Variants in ADAMTS12 observed in about 807,000 individuals in gnomAD.
ADAMTS12 encodes ADAM metallopeptidase with thrombospondin type 1 motif 12, also known as A disintegrin and metalloproteinase with thrombospondin motifs 12.
A neutral mutation model predicts 167.8 loss-of-function variants in ADAMTS12; 118 were observed. The observed-to-expected ratio is 0.70, with a 90% CI of 0.61 to 0.82. The LOEUF (loss-of-function observed/expected upper bound fraction) is 0.82, where lower values mean the gene tolerates loss of function less well. Ranked by LOEUF, ADAMTS12 falls within the 40% of genes least tolerant of loss-of-function variation. The pLI, the probability that ADAMTS12 is intolerant of heterozygous loss-of-function variation, is 0.00. For missense variants in ADAMTS12, 1,916 were observed against 1,998.8 expected, an observed-to-expected ratio of 0.96 and a Z score of 0.79; for synonymous variants, 704 against 716.9, an observed-to-expected ratio of 0.98 and a Z score of 0.29.
chr5:33,591,104 G>GTGTGTGTGTGTGTGTC (rs149905578), intron 17 of ADAMTS12, among the ~76,000 whole-genome samples: 1 of 148,758 alleles, frequency 6.7e-6, no homozygotes, highest in African/African-American at 2.5e-5. Context: ...GTGTGTGTGT[G>GTGTGTGTGTGTGTGTC]TATGTGTGTG....
chr5:33,638,259 A>C (rs762835675), intron 11 of ADAMTS12, among the ~76,000 whole-genome samples: 46 of 152,174 alleles, frequency 3.0e-4, no homozygotes, highest in Non-Finnish European at 5.9e-4. Flanking sequence ...TCTACTTTTA[A>C]AATTGAACCC....
chr5:33,680,858 T>C (rs1742087462), intron 5 of ADAMTS12, among the ~76,000 whole-genome samples: 1 of 152,172 alleles, frequency 6.6e-6, no homozygotes, highest in Non-Finnish European at 1.5e-5. Flanking sequence ...TAGGTACCAA[T>C]TTTTATTGGT....
At chr5:33,794,102 T>C (rs947896264) in intron 2 of ADAMTS12, among the ~76,000 whole-genome samples, 2 of 152,178 alleles carry the variant, frequency 1.3e-5, no homozygotes, top group African/African-American at 2.4e-5. Flanking sequence ...GCCTTCCTGT[T>C]GCTTCCTCTA....
intron 20 of ADAMTS12, among the ~76,000 whole-genome samples, chr5:33,559,294 G>T (rs1004944898): frequency 1.3e-5 from 2 of 152,158 alleles, no homozygotes; most frequent in Non-Finnish European, 2.9e-5. Flanking sequence ...TCCTAGGGTT[G>T]ATCATGTATG....
intron 17 of ADAMTS12, among the ~76,000 whole-genome samples, chr5:33,594,042 T>TG (rs1420141387): frequency 6.6e-6 from 1 of 152,216 alleles, no homozygotes; most frequent in Non-Finnish European, 1.5e-5. Flanking sequence ...GCCATTGATA[T>TG]GGCTTGGCTG....
At chr5:33,586,021 G>C (rs1747329584) in intron 18 of ADAMTS12, among the ~76,000 whole-genome samples, 1 of 152,188 alleles carries the variant, frequency 6.6e-6, no homozygotes. Flanking sequence ...AAGGCTGTCA[G>C]TTCTTGGGCC....
intron 3 of ADAMTS12, among the ~76,000 whole-genome samples, chr5:33,719,404 CT>C (rs1392535061): frequency 6.6e-6 from 1 of 152,176 alleles, no homozygotes; most frequent in African/African-American, 2.4e-5. Flanking sequence ...AGTGATACAA[CT>C]GTTTTTGGAC....
At chr5:33,626,368 GTGGTGATGGGGGTGATGGTAGTGGTGA>G (rs1287444321) in intron 13 of ADAMTS12, among the ~76,000 whole-genome samples, 81 of 150,976 alleles carry the variant, frequency 5.4e-4, no homozygotes, top group African/African-American at 1.9e-3. Context: ...GATGGTGGTG[GTGGTGATGGGGGTGATGGTAGTGGTGA>G]TGGTGGTGGG....
intron 2 of ADAMTS12, among the ~76,000 whole-genome samples, chr5:33,796,523 C>G (rs1746784409): frequency 6.6e-6 from 1 of 152,166 alleles, no homozygotes; most frequent in African/African-American, 2.4e-5. Flanking sequence ...TCACTGACAT[C>G]CAGAACTTCT....
chr5:33,847,643 G>A lies in ADAMTS12; in HGVS notation c.489+33476C>T, dbSNP rs534630462. 1.4e-3 allele frequency among the ~76,000 whole-genome samples: 214 copies of A among 151,482 alleles called. 1 individual carries two copies. The highest frequency in any genetic ancestry group is 4.8e-3 in the African/African-American group (200 of 41,292). On this transcript the variant is annotated intron_variant, in intron 2 of 23. Coordinates refer to ENST00000504830, the MANE Select transcript of ADAMTS12 (RefSeq NM_030955.4). Reference sequence around the variant, plus strand: ...CATCTCAAAAAAAAAAAGAAAGAAAGAAAGAAAAGGAAGTTTCAAGGACTG... The same window carrying A: ...CATCTCAAAAAAAAAAAGAAAGAAAAAAAGAAAAGGAAGTTTCAAGGACTG...
At chr5:33,554,295 C>T (rs893495464) in intron 20 of ADAMTS12, among the ~76,000 whole-genome samples, 11 of 152,064 alleles carry the variant, frequency 7.2e-5, no homozygotes, top group Non-Finnish European at 1.5e-4. Flanking sequence ...GGTCAGAATG[C>T]TAGAGCAGGG....
rs765602332 is a variant in ADAMTS12, at chr5:33,615,843, C to T, written c.2373G>A (p.Glu791=). 6.2e-7 allele frequency: 1 copy of T among 1,614,148 alleles called. No individual in the cohort carries two copies. Among genetic ancestry groups the T allele is most frequent in the East Asian group, 2.2e-5 (1 of 44,872 alleles). The stretch of plus-strand genomic sequence containing the variant: ...TCTGCATTACCTGGATCCACACAGA[C>T]TCATTGGTGGGACCTGTGGCCATCA... The part of the protein sequence containing the change: ...EKLMATGPTN[E]SVWIQLLFQV... The change falls in exon 15 of 24, where the codon GAG becomes GAA. Residue 791 remains glutamate, a synonymous_variant. Coordinates refer to ENST00000504830, the MANE Select transcript of ADAMTS12 (RefSeq NM_030955.4).
intron 3 of ADAMTS12, among the ~76,000 whole-genome samples, chr5:33,711,237 A>G (rs1265958687): frequency 2.0e-5 from 3 of 152,068 alleles, no homozygotes; most frequent in Non-Finnish European, 4.4e-5. Context: ...TCTTCCAGCC[A>G]CATCCCCACC....
Position 33,637,878 on chromosome 5 carries a change from G to C in ADAMTS12, c.1719-132C>G, listed in dbSNP as rs950648564. On this transcript the variant is annotated intron_variant, in intron 11 of 23. Coordinates refer to ENST00000504830, the MANE Select transcript of ADAMTS12 (RefSeq NM_030955.4). ...CTCAAAACTTACCTTTTAAATAACTGCTTCAAATTTTACACATTTTTTCCT... is the reference window on the plus strand; with the variant it reads ...CTCAAAACTTACCTTTTAAATAACTCCTTCAAATTTTACACATTTTTTCCT... 3 of 917,800 alleles carry C rather than the reference G, an allele frequency of 3.3e-6. No homozygotes were observed. The African/African-American group carries it at 5.0e-5, about 15-fold the overall frequency. 56.9% of individuals were successfully genotyped at this position (917,800 alleles called of 1,614,324 possible). A position where few individuals can be genotyped will look rare whatever the true frequency, so the allele number is the denominator to read the frequency against.
chr5:33,591,602 A>G (rs1747640540), intron 17 of ADAMTS12, among the ~76,000 whole-genome samples: 1 of 152,124 alleles, frequency 6.6e-6, no homozygotes, highest in Non-Finnish European at 1.5e-5. Flanking sequence ...TTCTCATTAT[A>G]TCCCATTCCT....
At chr5:33,848,921 T>A (rs1369893423) in intron 2 of ADAMTS12, among the ~76,000 whole-genome samples, 1 of 151,750 alleles carries the variant, frequency 6.6e-6, no homozygotes, top group African/African-American at 2.4e-5. Flanking sequence ...TATATATATA[T>A]CGTGGTGTTT....
Position 33,808,134 on chromosome 5 carries a change from A to G in ADAMTS12, c.490-56586T>C, listed in dbSNP as rs74597413. 3.2e-3 allele frequency among the ~76,000 whole-genome samples: 481 copies of G among 152,346 alleles called. 1 individual carries two copies. Among genetic ancestry groups the G allele is most frequent in the African/African-American group, 0.011 (465 of 41,568 alleles). On this transcript the variant is annotated intron_variant, in intron 2 of 23. Coordinates refer to ENST00000504830, the MANE Select transcript of ADAMTS12 (RefSeq NM_030955.4). ...GGGAAAGCACGAGCCGCGTACAGAAAGAAGGACTTCTCTTCGGTGTAGTCA... is the reference window on the plus strand; with the variant it reads ...GGGAAAGCACGAGCCGCGTACAGAAGGAAGGACTTCTCTTCGGTGTAGTCA...
chr5:33,824,136 G>A (rs1747971008), intron 2 of ADAMTS12, among the ~76,000 whole-genome samples: 1 of 152,156 alleles, frequency 6.6e-6, no homozygotes, highest in Non-Finnish European at 1.5e-5. Context: ...AATAATAATA[G>A]ATCATAACAA....
intron 3 of ADAMTS12, among the ~76,000 whole-genome samples, chr5:33,716,420 T>C (rs767314378): frequency 3.3e-5 from 5 of 152,172 alleles, no homozygotes; most frequent in Admixed American, 6.6e-5. Context: ...CTAAAACTTA[T>C]GGTTTTATTG....
Sources: gnomAD v4.1 joint callset for allele counts (sites outside exome capture counted in the v4.1 genomes callset) on GRCh38, gnomAD v4.1.1 for gene constraint, MANE v1.5 for transcripts, NCBI Gene and HGNC (gene_info 2026-07-23, HGNC 2026-07-21) for gene names.